The following SLC4A9 variants were observed in gnomAD, a reference collection of about 807,000 sequenced individuals.
SLC4A9 encodes the protein solute carrier family 4 member 9.
SLC4A9 carries 102 observed loss-of-function variants against 103.2 expected under a neutral mutation model. The observed-to-expected ratio is 0.99, with a 90% CI of 0.84 to 1.17. The LOEUF (loss-of-function observed/expected upper bound fraction) is 1.17. SLC4A9 is among the 50% of genes most tolerant of loss of function. SLC4A9 has a pLI of 0.00. For missense variants in SLC4A9, 1,091 were observed against 1,193.7 expected (o/e 0.91, Z 1.27); for synonymous variants, 453 against 483.6 (o/e 0.94, Z 0.83).
At chr5:140,372,448 G>C in intron 20 of SLC4A9, 51 bp downstream of exon 20, 2 of 1,588,306 alleles carry the variant, frequency 1.3e-6, no homozygotes, top group Middle Eastern at 1.8e-4. Context: ...GTTTGGGAGA[G>C]CGTTCTTGTC....
Position 140,367,503 on chromosome 5 carries a change from C to CCTG in SLC4A9, c.2104_2106dup (p.Leu702dup). On this transcript the variant is annotated inframe_insertion, in exon 15 of 22. Coordinates refer to ENST00000506757, the MANE Select transcript of SLC4A9 (RefSeq NM_031467.3). The stretch of plus-strand genomic sequence containing the variant: ...GGAGTGTGGCAGCTGCCCTGCCTGC[C>CCTG]CTGCTGCTGTCTATCCTCATCTTCA... The CCTG allele has an allele frequency of 6.2e-7, 1 of 1,605,594 alleles. No homozygotes were observed. The highest frequency in any genetic ancestry group is 8.5e-7 in the Non-Finnish European group (1 of 1,176,354).
chr5:140,372,225 T>C lies in SLC4A9; in HGVS notation c.2671-17T>C. The stretch of plus-strand genomic sequence containing the variant: ...TACTGTTGCTGACAGGCCTGGGCCA[T>C]GTTTCTATTCCTGCAGTTGCTGGGC... On this transcript the variant is annotated splice_polypyrimidine_tract_variant and intron_variant, in intron 19 of 21. Transcript: ENST00000506757. 1 of 1,539,894 alleles carries C rather than the reference T, an allele frequency of 6.5e-7. No homozygotes were observed. The highest frequency in any genetic ancestry group is 8.7e-7 in the Non-Finnish European group (1 of 1,149,640).
chr5:140,366,924 C>T (rs917159609), intron 14 of SLC4A9, among the ~76,000 whole-genome samples: 2 of 152,218 alleles, frequency 1.3e-5, no homozygotes, highest in African/African-American at 2.4e-5. Context: ...GAGACCTCCT[C>T]TCCAAATTCC....
rs2126742112 is a variant in SLC4A9 at position 140,361,817 on chromosome 5, A to G, written c.515A>G (p.His172Arg). 2.5e-6 allele frequency: 4 copies of G among 1,614,000 alleles called. No homozygotes were observed. The highest frequency in any genetic ancestry group is 2.2e-5 in the East Asian group (1 of 44,878). The change falls in exon 4 of 22, where the codon CAT becomes CGT. Residue 172 changes from histidine (H) to arginine (R), a missense_variant. His to Arg is a conservative substitution (Grantham distance 29). Coordinates refer to ENST00000506757, the MANE Select transcript of SLC4A9 (RefSeq NM_031467.3). ...TGTRPCWGST[H>R]PRKASDNEEA... Reference sequence around the variant, plus strand: ...TAATCCTGTTTTGTAGGCTCTACTCATCCAAGAAAGGCTTCTGACAATGAG... The same window carrying G: ...TAATCCTGTTTTGTAGGCTCTACTCGTCCAAGAAAGGCTTCTGACAATGAG...
At position 140,365,809 on chromosome 5, in the gene SLC4A9, C is replaced by A. The variant is rs960208472; in HGVS notation, c.1711-25C>A. 3 of 1,604,648 alleles carry A rather than the reference C, an allele frequency of 1.9e-6. No homozygotes were observed. In the African/African-American group the frequency reaches 4.0e-5, roughly 21 times the overall value. ...GACATTTACTCCATTGCCTATAACT[C>A]CACTCCTGACCCTCCTGTGTACAGG... On this transcript the variant is annotated intron_variant, in intron 12 of 21. Coordinates refer to ENST00000506757, the MANE Select transcript of SLC4A9 (RefSeq NM_031467.3).
rs1366004428 is a variant in SLC4A9, at chr5:140,372,222, C to T, written c.2671-20C>T. ...TACTACTGTTGCTGACAGGCCTGGG[C>T]CATGTTTCTATTCCTGCAGTTGCTG... On this transcript the variant is annotated intron_variant, in intron 19 of 21. Transcript: ENST00000506757. 6.5e-7 allele frequency: 1 copy of T among 1,535,834 alleles called. No homozygotes were observed. Among genetic ancestry groups the T allele is most frequent in the Non-Finnish European group, 8.7e-7 (1 of 1,147,572 alleles).
In SLC4A9 at chr5:140,364,500, C is replaced by A. The variant is rs762796751; in HGVS notation, c.1526C>A (p.Ala509Asp). 3 of 1,611,480 alleles carry A rather than the reference C, an allele frequency of 1.9e-6. No homozygotes were observed. The highest frequency in any genetic ancestry group is 4.5e-5 in the East Asian group (2 of 44,790). Reference protein sequence around the residue: ...FTRFTEEGFCALISLIFIYDA... With the variant: ...FTRFTEEGFCDLISLIFIYDA... ...CGCTTCACTGAGGAAGGTTTCTGTG[C>A]CCTCATCAGCCTCATCTTCATCTAC... The change falls in exon 11 of 22, where the codon GCC becomes GAC. Residue 509 changes from alanine (A) to aspartate (D), a missense_variant. Coordinates refer to ENST00000506757, the MANE Select transcript of SLC4A9 (RefSeq NM_031467.3).
intron 11 of SLC4A9, among the ~76,000 whole-genome samples, chr5:140,364,828 A>G (rs1318932726): frequency 2.0e-5 from 3 of 152,230 alleles, no homozygotes; most frequent in African/African-American, 7.2e-5. Flanking sequence ...CTTTCTGACA[A>G]CACTGATAAA....
In SLC4A9 at chr5:140,361,308, C is replaced by T. The variant is rs759614492; in HGVS notation, c.446C>T (p.Ala149Val). Residue 149 changes from alanine to valine, a missense_variant, in exon 3 of 22, where the codon GCC (alanine) becomes GTC (valine). By Grantham distance (64) the Ala-to-Val change is moderately conservative. Coordinates refer to ENST00000506757, the MANE Select transcript of SLC4A9 (RefSeq NM_031467.3). ...LSPELRGQLQ[A>V]LLLQRPQHYN... ...CCAGAGCTGAGAGGGCAGTTGCAGG[C>T]CTTGCTGCTGCAGAGACCCCAGCAT... The T allele has an allele frequency of 1.3e-6, 2 of 1,571,218 alleles. No homozygotes were observed. Among genetic ancestry groups the T allele is most frequent in the Non-Finnish European group, 8.6e-7 (1 of 1,158,114 alleles).
intron 14 of SLC4A9, among the ~76,000 whole-genome samples, chr5:140,366,528 T>C (rs1040384045): frequency 1.4e-4 from 22 of 152,300 alleles, no homozygotes; most frequent in African/African-American, 4.6e-4. Flanking sequence ...AGCCCTGGGT[T>C]TGAGTTCCAG....
At chr5:140,365,242 C>G (rs1238409500) in intron 11 of SLC4A9, among the ~76,000 whole-genome samples, 1 of 152,224 alleles carries the variant, frequency 6.6e-6, no homozygotes, top group East Asian at 1.9e-4. Context: ...TGGAAACACA[C>G]AGATTTGTAT....
rs376484104 is a variant in SLC4A9 at position 140,363,753 on chromosome 5, G to T, written c.1105G>T (p.Val369Leu). The T allele has an allele frequency of 1.5e-5, 24 of 1,613,840 alleles. No individual in the cohort carries two copies. The highest frequency in any genetic ancestry group is 1.8e-5 in the Non-Finnish European group (21 of 1,179,874). Residue 369 changes from valine (V) to leucine (L), a missense_variant, in exon 9 of 22, where the codon GTG becomes TTG. Physicochemically the swap from Val to Leu is conservative, Grantham distance 32. Transcript: ENST00000506757. The surrounding 1 kb of genome is among the most constrained non-coding windows in gnomAD (Gnocchi z 4.5). ...GRLFGGLIQD[V>L]RRKVPWYPSD... ...GCTGTTTGGGGGCCTTATCCAGGAC[G>T]TGCGCAGGAAGGTCCCGTGGTACCC...
intron 14 of SLC4A9, among the ~76,000 whole-genome samples, chr5:140,366,560 C>T (rs760711230): frequency 2.2e-4 from 33 of 152,250 alleles, no homozygotes; most frequent in Non-Finnish European, 4.0e-4. Flanking sequence ...CCCAGCTATG[C>T]ATTAGGCAAG....
rs1767521775 is a variant in SLC4A9 at position 140,364,063 on chromosome 5, G to A, written c.1264G>A (p.Glu422Lys). 5 of 1,545,136 alleles carry A rather than the reference G, an allele frequency of 3.2e-6. No homozygotes were observed. The highest frequency in any genetic ancestry group is 4.4e-6 in the Non-Finnish European group (5 of 1,148,790). Residue 422 changes from glutamate to lysine, a missense_variant, in exon 10 of 22, where the codon GAA becomes AAA. Transcript: ENST00000506757. ...DATDGAQGVL[E>K]SFLGTAVAGA... ...CCCTGTTGGCTTCCAGGGAGTGCTG[G>A]AAAGTTTCCTGGGCACAGCAGTGGC...
At position 140,363,748 on chromosome 5, in the gene SLC4A9, A is replaced by G; in HGVS notation, c.1100A>G (p.Gln367Arg). The G allele has an allele frequency of 6.2e-7, 1 of 1,613,832 alleles. No homozygotes were observed. Among genetic ancestry groups the G allele is most frequent in the South Asian group, 1.1e-5 (1 of 91,084 alleles). The change falls in exon 9 of 22, where the codon CAG (glutamine) becomes CGG (arginine). Residue 367 changes from glutamine to arginine, a missense_variant. Physicochemically the swap from Gln to Arg is conservative, Grantham distance 43. Coordinates refer to ENST00000506757, the MANE Select transcript of SLC4A9 (RefSeq NM_031467.3). This position sits in a 1 kb window ranked among gnomAD's most constrained non-coding sequence, Gnocchi z 4.5. ...RTGRLFGGLI[Q>R]DVRRKVPWYP... ...GGGAGGCTGTTTGGGGGCCTTATCC[A>G]GGACGTGCGCAGGAAGGTCCCGTGG...
At chr5:140,371,710 A>C in intron 19 of SLC4A9, 86 bp downstream of exon 19, 1 of 1,442,084 alleles carries the variant, frequency 6.9e-7, no homozygotes, top group Non-Finnish European at 9.5e-7. Context: ...CCACGAGAGG[A>C]AGAATCTCCC....
chr5:140,364,318 C>A, intron 10 of SLC4A9, 45 bp from the exon 11 acceptor site: 2 of 1,608,100 alleles, frequency 1.2e-6, no homozygotes, highest in African/African-American at 2.7e-5. Flanking sequence ...TAGTGGGAAG[C>A]AGACAGCCCT....
intron 1 of SLC4A9, 90 bp downstream of exon 1, chr5:140,360,556 C>A: frequency 3.1e-6 from 4 of 1,282,224 alleles, no homozygotes; most frequent in Non-Finnish European, 3.2e-6. Context: ...TATGGGGCTG[C>A]CCAAAATTAG....
chr5:140,364,477 C>A lies in SLC4A9; in HGVS notation c.1503C>A (p.Arg501=). The A allele has an allele frequency of 1.2e-6, 2 of 1,612,890 alleles. No homozygotes were observed. Among genetic ancestry groups the A allele is most frequent in the Non-Finnish European group, 1.7e-6 (2 of 1,179,362 alleles). Residue 501 remains arginine, a synonymous_variant, in exon 11 of 22, where the codon CGC becomes CGA. Coordinates refer to ENST00000506757, the MANE Select transcript of SLC4A9 (RefSeq NM_031467.3). Reference sequence around the variant, plus strand: ...GTGTGCTGGTGCGCTACTTCACCCGCTTCACTGAGGAAGGTTTCTGTGCCC... The same window carrying A: ...GTGTGCTGGTGCGCTACTTCACCCGATTCACTGAGGAAGGTTTCTGTGCCC... ...EASVLVRYFT[R]FTEEGFCALI...
Sources: allele counts gnomAD v4.1 joint callset (sites outside exome capture counted in the v4.1 genomes callset), GRCh38; gene constraint gnomAD v4.1.1; non-coding constraint Gnocchi (gnomAD v3.1); transcripts MANE v1.5; gene names NCBI Gene and HGNC (gene_info 2026-07-23, HGNC 2026-07-21).